The following USP29 variants were observed in gnomAD, a reference collection of about 807,000 sequenced individuals.
USP29 encodes the protein ubiquitin specific peptidase 29, also known as ubiquitin carboxyl-terminal hydrolase 29.
For synonymous variants in USP29, 386 were observed against 387.4 expected, an observed-to-expected ratio of 1.00 and a Z score of 0.04; for missense variants, 1,102 against 1,069.0, an observed-to-expected ratio of 1.03 and a Z score of -0.43.
rs755135646 is a variant in USP29, at chr19:57,129,759, G to A, written c.1084G>A (p.Ala362Thr). The A allele has an allele frequency of 1.2e-6, 2 of 1,614,006 alleles. No homozygotes were observed. The highest frequency in any genetic ancestry group is 1.1e-5 in the South Asian group (1 of 91,058). Residue 362 changes from alanine to threonine, a missense_variant, in exon 4 of 4, where the codon GCA becomes ACA. Ala to Thr is a moderately conservative substitution (Grantham distance 58). Coordinates refer to ENST00000254181, the MANE Select transcript of USP29 (RefSeq NM_020903.3). ...TGTTAAAAAAGTCATTTCAGCAGTT[G>A]CAGAAATATTTTCTGGCAACATGCA... ...GNVKKVISAVAEIFSGNMQND... is the reference protein window; with the variant it reads ...GNVKKVISAVTEIFSGNMQND...
Position 57,128,751 on chromosome 19 carries a change from C to G in USP29, c.76C>G (p.Leu26Val), listed in dbSNP as rs560619275. 8.7e-6 allele frequency: 14 copies of G among 1,611,992 alleles called. No individual in the cohort carries two copies. In the South Asian group the frequency reaches 1.6e-4, roughly 18 times the overall value. The change falls in exon 4 of 4, where the codon CTC becomes GTC. Residue 26 changes from leucine (L) to valine (V), a missense_variant. Transcript: ENST00000254181. ...KTGMTKLKEALIETVQRQKEI... is the reference protein window; with the variant it reads ...KTGMTKLKEAVIETVQRQKEI... ...TGGGATGACTAAGCTGAAAGAAGCTCTCATTGAAACAGTGCAAAGACAAAA... is the reference window on the plus strand; with the variant it reads ...TGGGATGACTAAGCTGAAAGAAGCTGTCATTGAAACAGTGCAAAGACAAAA...
chr19:57,130,983 C>G lies in USP29; in HGVS notation c.2308C>G (p.Gln770Glu). ...GGAACATACAGAAGAGACCCTCAAT[C>G]AGTCTACAGAATTAAGACTTCAAAA... ...AQEHTEETLN[Q>E]STELRLQKAD... The change falls in exon 4 of 4, where the codon CAG becomes GAG. Residue 770 changes from glutamine (Q) to glutamate (E), a missense_variant. By Grantham distance (29) the Gln-to-Glu change is conservative. Coordinates refer to ENST00000254181, the MANE Select transcript of USP29 (RefSeq NM_020903.3). 6.2e-7 allele frequency: 1 copy of G among 1,614,190 alleles called. No homozygotes were observed. Among genetic ancestry groups the G allele is most frequent in the Non-Finnish European group, 8.5e-7 (1 of 1,180,034 alleles).
Position 57,131,615 on chromosome 19 carries a change from A to G in USP29, c.*171A>G. The stretch of plus-strand genomic sequence containing the variant: ...TATTTTAACTGCTTCAGACACCTAG[A>G]TCCCAGAACTCAGGCGCATATGCAT... On this transcript the variant is annotated 3_prime_UTR_variant, in exon 4 of 4. Coordinates refer to ENST00000254181, the MANE Select transcript of USP29 (RefSeq NM_020903.3). 1 of 1,060,318 alleles carries G rather than the reference A, an allele frequency of 9.4e-7. No homozygotes were observed. The highest frequency in any genetic ancestry group is 1.3e-6 in the Non-Finnish European group (1 of 749,714). 65.7% of individuals were successfully genotyped at this position (1,060,318 alleles called of 1,614,324 possible).
At position 57,129,108 on chromosome 19, in the gene USP29, A is replaced by C. The variant is rs1053230283; in HGVS notation, c.433A>C (p.Lys145Gln). The C allele has an allele frequency of 5.0e-6, 8 of 1,612,708 alleles. No homozygotes were observed. In the African/African-American group the frequency reaches 9.3e-5, roughly 19 times the overall value. ...YSICNKPSYQ[K>Q]MPLFMSKSPT... is the part of the protein sequence containing the mutation. Reference sequence around the variant, plus strand: ...CATTTGTAACAAGCCAAGTTATCAGAAGATGCCTTTGTTTATGTCAAAATC... The same window carrying C: ...CATTTGTAACAAGCCAAGTTATCAGCAGATGCCTTTGTTTATGTCAAAATC... The change falls in exon 4 of 4, where the codon AAG becomes CAG. Residue 145 changes from lysine (K) to glutamine (Q), a missense_variant. Lys to Gln is a moderately conservative substitution (Grantham distance 53). Transcript: ENST00000254181.
rs754129943 is a variant in USP29, at chr19:57,131,423, C to T, written c.2748C>T (p.Asp916=). The part of the protein sequence containing the change: ...GVIPQGEYEG[D]SLYRPA ...TCCCTCAGGGGGAATACGAAGGTGA[C>T]TCTTTGTACAGACCTGCTTGACAGA... Residue 916 remains aspartate, a synonymous_variant, in exon 4 of 4, where the codon GAC becomes GAT. Transcript: ENST00000254181. 1.2e-6 allele frequency: 2 copies of T among 1,612,292 alleles called. No individual in the cohort carries two copies. The highest frequency in any genetic ancestry group is 1.7e-6 in the Non-Finnish European group (2 of 1,179,242).
chr19:57,130,271 C>G lies in USP29; in HGVS notation c.1596C>G (p.Pro532=). The G allele has an allele frequency of 6.2e-7, 1 of 1,614,038 alleles. No homozygotes were observed. Among genetic ancestry groups the G allele is most frequent in the Non-Finnish European group, 8.5e-7 (1 of 1,180,002 alleles). ...LVKNNEQVYI[P]KSLSLSSYCN... is the part of the protein sequence containing the mutation. ...AGAATAACGAGCAAGTTTATATTCCCAAATCTTTAAGTTTATCTTCTTATT... is the reference window on the plus strand; with the variant it reads ...AGAATAACGAGCAAGTTTATATTCCGAAATCTTTAAGTTTATCTTCTTATT... The change falls in exon 4 of 4, where the codon CCC becomes CCG. Residue 532 remains proline (P), a synonymous_variant. Transcript: ENST00000254181.
intron 3 of USP29, among the ~76,000 whole-genome samples, chr19:57,125,076 C>T (rs527428754): frequency 1.1e-4 from 16 of 152,168 alleles, no homozygotes; most frequent in African/African-American, 3.4e-4. Context: ...TGTTGCAGTC[C>T]CATTTTCACT....
rs1347191114 is a variant in USP29, at chr19:57,124,028, T to G, written c.-117-11T>G. On this transcript the variant is annotated splice_polypyrimidine_tract_variant and intron_variant, in intron 2 of 3. Coordinates refer to ENST00000254181, the MANE Select transcript of USP29 (RefSeq NM_020903.3). ...CAGTTTCAGGACTCTGACCTTTTTGTTTCTTCCTAGTAACAGCCGTGGCAG... is the reference window on the plus strand; with the variant it reads ...CAGTTTCAGGACTCTGACCTTTTTGGTTCTTCCTAGTAACAGCCGTGGCAG... 1.3e-5 allele frequency: 2 copies of G among 152,234 alleles called. No individual in the cohort carries two copies. Among genetic ancestry groups the G allele is most frequent in the Non-Finnish European group, 2.9e-5 (2 of 68,044 alleles). The allele number at this position is 152,234 out of a possible 1,614,324, so 9.4% of individuals were successfully genotyped here. A position where few individuals can be genotyped will look rare whatever the true frequency, so the allele number is the denominator to read the frequency against.
rs940247862 is a variant in USP29, at chr19:57,128,657, T to C, written c.-16-3T>C. ...AAAATGCATGTGTGCTTTTCTTCTT[T>C]AGGTTACATAAAGAAAGGATGATAT... On this transcript the variant is annotated splice_polypyrimidine_tract_variant and splice_region_variant and intron_variant, in intron 3 of 3. Transcript: ENST00000254181. The C allele has an allele frequency of 6.5e-7, 1 of 1,536,340 alleles. No homozygotes were observed. The highest frequency in any genetic ancestry group is 1.4e-5 in the African/African-American group (1 of 71,842).
At position 57,129,984 on chromosome 19, in the gene USP29, A is replaced by G. The variant is rs779038356; in HGVS notation, c.1309A>G (p.Ile437Val). 1 of 1,614,136 alleles carries G rather than the reference A, an allele frequency of 6.2e-7. No homozygotes were observed. Among genetic ancestry groups the G allele is most frequent in the South Asian group, 1.1e-5 (1 of 91,076 alleles). ...TGAGTTTGAATTGCAGCTCTCCCTT[A>G]TTTGTAAAGCTTGTGGTCATGCTGT... ...NFEFELQLSL[I>V]CKACGHAVLK... The change falls in exon 4 of 4, where the codon ATT (isoleucine) becomes GTT (valine). Residue 437 changes from isoleucine (I) to valine (V), a missense_variant. Coordinates refer to ENST00000254181, the MANE Select transcript of USP29 (RefSeq NM_020903.3).
At chr19:57,127,389 C>T (rs951485673) in intron 3 of USP29, among the ~76,000 whole-genome samples, 2 of 152,206 alleles carry the variant, frequency 1.3e-5, no homozygotes, top group Non-Finnish European at 2.9e-5. Context: ...CACAGCCACC[C>T]CTTCCCCCAG....
Position 57,131,235 on chromosome 19 carries a change from T to C in USP29, c.2560T>C (p.Phe854Leu). The change falls in exon 4 of 4, where the codon TTC becomes CTC. Residue 854 changes from phenylalanine (F) to leucine (L), a missense_variant. Transcript: ENST00000254181. ...DVYDFQKQAW[F>L]TYNDLCVSEI... ...GTATGACTTTCAGAAGCAGGCCTGG[T>C]TCACATACAACGATCTATGTGTATC... The C allele has an allele frequency of 1.2e-6, 2 of 1,614,204 alleles. No homozygotes were observed. The highest frequency in any genetic ancestry group is 1.7e-6 in the Non-Finnish European group (2 of 1,180,038).
intron 1 of USP29, among the ~76,000 whole-genome samples, chr19:57,121,120 A>G (rs2086793357): frequency 1.6e-5 from 2 of 127,412 alleles, no homozygotes; most frequent in South Asian, 5.1e-4. Context: ...CCTCCCGCCA[A>G]AAAAAAAAAA....
chr19:57,127,078 A>G (rs959293231), intron 3 of USP29, among the ~76,000 whole-genome samples: 1 of 152,196 alleles, frequency 6.6e-6, no homozygotes, highest in African/African-American at 2.4e-5. Context: ...GGGTATCCCC[A>G]GCGGAGGCTG....
In USP29 at chr19:57,131,755, G is replaced by A. The variant is rs1201726943; in HGVS notation, c.*311G>A. On this transcript the variant is annotated 3_prime_UTR_variant, in exon 4 of 4. Coordinates refer to ENST00000254181, the MANE Select transcript of USP29 (RefSeq NM_020903.3). ...GGACTGATTAGAAATGCAAATTCTT[G>A]GGTCACTCTCTAGACCAACTGATGC... 2.0e-5 allele frequency: 6 copies of A among 306,998 alleles called. No individual in the cohort carries two copies. The highest frequency in any genetic ancestry group is 1.3e-4 in the African/African-American group (6 of 45,852). The allele number at this position is 306,998 out of a possible 1,614,324, so 19.0% of individuals were successfully genotyped here. A position where few individuals can be genotyped will look rare whatever the true frequency, so the allele number is the denominator to read the frequency against.
In USP29 at chr19:57,131,235, T is replaced by G. The variant is rs936985236; in HGVS notation, c.2560T>G (p.Phe854Val). 5 of 1,614,086 alleles carry G rather than the reference T, an allele frequency of 3.1e-6. No individual in the cohort carries two copies. The Admixed American group carries it at 6.7e-5, about 22-fold the overall frequency. The change falls in exon 4 of 4, where the codon TTC becomes GTC. Residue 854 changes from phenylalanine to valine, a missense_variant. Phe to Val is a conservative substitution (Grantham distance 50). Coordinates refer to ENST00000254181, the MANE Select transcript of USP29 (RefSeq NM_020903.3). ...DVYDFQKQAWFTYNDLCVSEI... is the reference protein window; with the variant it reads ...DVYDFQKQAWVTYNDLCVSEI... Reference sequence around the variant, plus strand: ...GTATGACTTTCAGAAGCAGGCCTGGTTCACATACAACGATCTATGTGTATC... The same window carrying G: ...GTATGACTTTCAGAAGCAGGCCTGGGTCACATACAACGATCTATGTGTATC...
chr19:57,120,803 A>AAAAAAAAAAAAAAAAAAAAAG (rs2086791126), intron 1 of USP29, among the ~76,000 whole-genome samples: 1 of 148,266 alleles, frequency 6.7e-6, no homozygotes. Flanking sequence ...AAAAAAAAAA[A>AAAAAAAAAAAAAAAAAAAAAG]AAAAAAAAAA....
Position 57,129,164 on chromosome 19 carries a change from AAATC to A in USP29, c.492_495del (p.Asn164LysfsTer20). 2 of 1,613,674 alleles carry A rather than the reference AAATC, an allele frequency of 1.2e-6. No homozygotes were observed. Among genetic ancestry groups the A allele is most frequent in the Non-Finnish European group, 1.7e-6 (2 of 1,179,750 alleles). On this transcript the variant is annotated frameshift_variant, in exon 4 of 4. Transcript: ENST00000254181. LOFTEE classifies it low-confidence loss of function (END_TRUNC). ...CACATGTGAAAAAGGGGATATTAGA[AAATC>A]AAGGTGGGAAGGGGCAAAACACACT...
At position 57,131,318 on chromosome 19, in the gene USP29, T is replaced by C. The variant is rs1188526911; in HGVS notation, c.2643T>C (p.Phe881=). 6.2e-6 allele frequency: 10 copies of C among 1,614,078 alleles called. No individual in the cohort carries two copies. Among genetic ancestry groups the C allele is most frequent in the Non-Finnish European group, 7.6e-6 (9 of 1,180,046 alleles). Residue 881 remains phenylalanine, a synonymous_variant, in exon 4 of 4, where the codon TTT becomes TTC. Coordinates refer to ENST00000254181, the MANE Select transcript of USP29 (RefSeq NM_020903.3). ...GGCTTCACTCTGGGTATATCTTCTTTTACATGCACAATGGGATTTTTGAGG... is the reference window on the plus strand; with the variant it reads ...GGCTTCACTCTGGGTATATCTTCTTCTACATGCACAATGGGATTTTTGAGG... The part of the protein sequence containing the change: ...EARLHSGYIF[F]YMHNGIFEEL...
Sources: allele counts gnomAD v4.1 joint callset (sites outside exome capture counted in the v4.1 genomes callset), GRCh38; gene constraint gnomAD v4.1.1; transcripts MANE v1.5; gene names NCBI Gene and HGNC (gene_info 2026-07-23, HGNC 2026-07-21).